RALY: variants seen among roughly 807,000 people sequenced by gnomAD.
RALY encodes the protein RALY heterogeneous nuclear ribonucleoprotein, also known as RNA-binding protein Raly.
A neutral mutation model predicts 30.7 loss-of-function variants in RALY; 15 were observed. That is an observed-to-expected ratio of 0.49 (90% CI 0.33 to 0.75). The LOEUF is 0.75. RALY is among the 30% of genes least tolerant of loss of function. The pLI is 0.02. For missense variants in RALY, 339 were observed against 414.3 expected (o/e 0.82, Z 1.58); for synonymous variants, 177 against 170.8 (o/e 1.04, Z -0.28).
intron 2 of RALY, among the ~76,000 whole-genome samples, chr20:34,069,669 G>A (rs1290957991): frequency 2.0e-5 from 3 of 152,190 alleles, no homozygotes; most frequent in African/African-American, 4.8e-5. Context: ...GACTGTCAGC[G>A]AGAACTGTGA....
At chr20:34,058,961 A>G (rs538060482) in intron 2 of RALY, among the ~76,000 whole-genome samples, 5 of 152,172 alleles carry the variant, frequency 3.3e-5, no homozygotes, top group Admixed American at 2.0e-4. Flanking sequence ...ATGCTTAGTA[A>G]TGTTTGTGGA....
intron 8 of RALY, 43 bp downstream of exon 8, chr20:34,077,288 C>A: frequency 6.2e-7 from 1 of 1,609,096 alleles, no homozygotes; most frequent in South Asian, 1.1e-5. Flanking sequence ...CGACTGTGCT[C>A]CTACTCTCAG....
intron 2 of RALY, among the ~76,000 whole-genome samples, chr20:34,047,587 T>C (rs1340117094): frequency 6.6e-6 from 1 of 152,236 alleles, no homozygotes; most frequent in Admixed American, 6.5e-5. Flanking sequence ...ATTGGTTTGA[T>C]AGAGCTTTAG....
rs1177575250 is a variant in RALY at position 34,082,719 on chromosome 20, G to T, written c.*2814G>T. ...GGAAAGCACACAGCCAGGCCCTTGG[G>T]TGGGAGGTTGGCTTCTAACAGTGCA... On this transcript the variant is annotated 3_prime_UTR_variant, in exon 10 of 10. Transcript: ENST00000246194. 1 of 152,248 alleles carries T rather than the reference G, an allele frequency of 6.6e-6. No homozygotes were observed. Among genetic ancestry groups the T allele is most frequent in the Non-Finnish European group, 1.5e-5 (1 of 68,070 alleles). The allele number at this position is 152,248 out of a possible 1,614,324, so 9.4% of individuals were successfully genotyped here. A position where few individuals can be genotyped will look rare whatever the true frequency, so the allele number is the denominator to read the frequency against.
chr20:34,026,374 TTTTA>T (rs372397530), intron 1 of RALY, among the ~76,000 whole-genome samples: 5,051 of 142,404 alleles, frequency 0.035, 119 homozygotes, highest in South Asian at 0.057. Flanking sequence ...ACCTCAGACA[TTTTA>T]TTTATTTATT....
rs201808859 is a variant in RALY at position 34,072,318 on chromosome 20, G to A, written c.244G>A (p.Gly82Arg). ...VLGENGRVLA[G>R]QTLDINMAGE... ...GGGAGAGAATGGGCGGGTGCTGGCCGGGCAGACCCTGGGTAAGCCTCTCTT... is the reference window on the plus strand; with the variant it reads ...GGGAGAGAATGGGCGGGTGCTGGCCAGGCAGACCCTGGGTAAGCCTCTCTT... Residue 82 changes from glycine to arginine, a missense_variant, in exon 3 of 10, where the codon GGG (glycine) becomes AGG (arginine). By Grantham distance (125) the Gly-to-Arg change is moderately radical. Around this residue, in one of 2 missense-constraint regions of RALY, gnomAD observed 71 missense variants for 133.7 expected, o/e 0.53. Coordinates refer to ENST00000246194, the MANE Select transcript of RALY (RefSeq NM_016732.3). The A allele has an allele frequency of 1.2e-5, 20 of 1,612,380 alleles. No individual in the cohort carries two copies. The highest frequency in any genetic ancestry group is 4.4e-5 in the South Asian group (4 of 91,060).
chr20:34,054,718 T>TG (rs926859670), intron 2 of RALY, among the ~76,000 whole-genome samples: 2 of 150,894 alleles, frequency 1.3e-5, no homozygotes, highest in Non-Finnish European at 3.0e-5. Flanking sequence ...CCCAGCTACT[T>TG]GGGGGGCTGA....
chr20:34,024,188 T>G (rs2031933615), intron 1 of RALY, among the ~76,000 whole-genome samples: 1 of 152,266 alleles, frequency 6.6e-6, no homozygotes, highest in Admixed American at 6.5e-5. Context: ...ATCAGGGGCA[T>G]GAAAGCCATT....
chr20:34,071,049 C>T (rs11907049), intron 2 of RALY, among the ~76,000 whole-genome samples: 13,686 of 151,938 alleles, frequency 0.09, 2,046 homozygotes, highest in African/African-American at 0.31. Context: ...CCAGATCTCA[C>T]GAGCAGTCAC....
intron 1 of RALY, among the ~76,000 whole-genome samples, chr20:34,007,726 A>G (rs2031221943): frequency 6.7e-6 from 1 of 150,124 alleles, no homozygotes; most frequent in Admixed American, 6.7e-5. Flanking sequence ...AAGCTGAGGC[A>G]GGAGAATCAC....
chr20:34,063,415 G>A (rs757741500), intron 2 of RALY, among the ~76,000 whole-genome samples: 17 of 152,070 alleles, frequency 1.1e-4, no homozygotes, highest in African/African-American at 3.4e-4. Flanking sequence ...TGGGTCTTTC[G>A]GTCCAAAGCA....
chr20:34,023,332 A>T (rs1368648219), intron 1 of RALY, among the ~76,000 whole-genome samples: 1 of 152,244 alleles, frequency 6.6e-6, no homozygotes, highest in Admixed American at 6.5e-5. Context: ...CAAGTAGGGA[A>T]GAGTGGTAGA....
At chr20:34,066,937 GT>G (rs2033589979) in intron 2 of RALY, among the ~76,000 whole-genome samples, 1 of 152,180 alleles carries the variant, frequency 6.6e-6, no homozygotes, top group Non-Finnish European at 1.5e-5. Context: ...CAAGGAGAGC[GT>G]GTGTGGCTGA....
intron 2 of RALY, chr20:34,065,027 T>C (rs1407721597): frequency 6.6e-6 from 1 of 152,146 alleles, no homozygotes; most frequent in East Asian, 1.9e-4. Context: ...TACTAAGAAA[T>C]CGTTTTTAAA....
At chr20:34,007,895 T>C (rs999242879) in intron 1 of RALY, among the ~76,000 whole-genome samples, 2 of 150,604 alleles carry the variant, frequency 1.3e-5, no homozygotes, top group African/African-American at 2.4e-5. Flanking sequence ...CATGTTATGG[T>C]GTGGTACTAG....
chr20:34,032,568 T>C (rs1401322139), intron 2 of RALY, among the ~76,000 whole-genome samples: 1 of 151,926 alleles, frequency 6.6e-6, no homozygotes, highest in East Asian at 1.9e-4. Flanking sequence ...CCCAGGCTGG[T>C]CTCAAACTCC....
chr20:34,025,385 T>G (rs939731513), intron 1 of RALY, among the ~76,000 whole-genome samples: 6 of 151,764 alleles, frequency 4.0e-5, no homozygotes, highest in Non-Finnish European at 8.8e-5. Context: ...CACTGCATCC[T>G]CCGCTGCCCG....
rs1265938991 is a variant in RALY, at chr20:34,079,897, C to T, written c.*5-13C>T. On this transcript the variant is annotated splice_polypyrimidine_tract_variant and intron_variant, in intron 9 of 9. Coordinates refer to ENST00000246194, the MANE Select transcript of RALY (RefSeq NM_016732.3). The stretch of plus-strand genomic sequence containing the variant: ...CAGCCTTAGTCTCTTCTTTCTCTCT[C>T]TCTCTTTCTCAGCCTGACAGGAGCA... The T allele has an allele frequency of 6.6e-6, 1 of 152,448 alleles. No homozygotes were observed. The highest frequency in any genetic ancestry group is 6.5e-5 in the Admixed American group (1 of 15,292). The allele number at this position is 152,448 out of a possible 1,614,324, so 9.4% of individuals were successfully genotyped here.
intron 2 of RALY, among the ~76,000 whole-genome samples, chr20:34,064,154 C>T (rs2033499285): frequency 6.6e-6 from 1 of 152,078 alleles, no homozygotes; most frequent in Admixed American, 6.5e-5. Context: ...ATTTGTAGGT[C>T]TTCAATTCTA....
Sources: gnomAD v4.1 joint callset for allele counts (sites outside exome capture counted in the v4.1 genomes callset) on GRCh38, gnomAD v4.1.1 for gene constraint, gnomAD v4.1.1 regional missense constraint, MANE v1.5 for transcripts, NCBI Gene and HGNC (gene_info 2026-07-23, HGNC 2026-07-21) for gene names.